Variants in ADGRB3 observed in about 807,000 individuals in gnomAD.
ADGRB3 encodes the protein adhesion G protein-coupled receptor B3, also known as brain-specific angiogenesis inhibitor 3.
In ADGRB3, 37 loss-of-function variants were observed where a neutral mutation model predicts 193.4. The observed-to-expected ratio is 0.19, with a 90% confidence interval of 0.15 to 0.25. The LOEUF (loss-of-function observed/expected upper bound fraction) is 0.25. Ranked by LOEUF, ADGRB3 falls within the 10% of genes least tolerant of loss-of-function variation. ADGRB3 has a pLI of 1.00. For missense variants in ADGRB3, 1,637 were observed against 1,852.9 expected (o/e 0.88, Z 2.14); for synonymous variants, 690 against 644.2 (o/e 1.07, Z -1.08).
chr6:68,961,934 AAG>A (rs2150259148), intron 8 of ADGRB3, among the ~76,000 whole-genome samples: 1 of 152,204 alleles, frequency 6.6e-6, no homozygotes, highest in East Asian at 1.9e-4. Context: ...TATACTCTTT[AAG>A]GAATTATGTT....
chr6:68,973,559 A>G (rs886884090), intron 8 of ADGRB3, among the ~76,000 whole-genome samples: 1 of 152,218 alleles, frequency 6.6e-6, no homozygotes, highest in Admixed American at 6.5e-5. Context: ...CTCCCAAGAA[A>G]TCACACTCCT....
chr6:69,342,063 T>G (rs1279776429), intron 26 of ADGRB3, among the ~76,000 whole-genome samples: 1 of 152,114 alleles, frequency 6.6e-6, no homozygotes, highest in Non-Finnish European at 1.5e-5. Flanking sequence ...GCACAAAAAT[T>G]CTACATTTCC....
At chr6:68,989,395 A>T (rs549900494) in intron 10 of ADGRB3, among the ~76,000 whole-genome samples, 4 of 152,282 alleles carry the variant, frequency 2.6e-5, no homozygotes, top group South Asian at 4.1e-4. Flanking sequence ...AGCCAATTAG[A>T]TTCAGTTGAA....
chr6:69,004,965 C>T (rs1164939904), intron 11 of ADGRB3, among the ~76,000 whole-genome samples: 1 of 152,072 alleles, frequency 6.6e-6, no homozygotes, highest in African/African-American at 2.4e-5. Flanking sequence ...GTGATGTGTG[C>T]AGGCTTCTCT....
chr6:68,784,547 CT>C (rs1048589017), intron 3 of ADGRB3, among the ~76,000 whole-genome samples: 37 of 152,060 alleles, frequency 2.4e-4, no homozygotes, highest in African/African-American at 8.0e-4. Context: ...CATGTATATA[CT>C]TTTTTTCACT....
At chr6:69,029,947 C>CAT (rs145059462) in intron 13 of ADGRB3, among the ~76,000 whole-genome samples, 3,065 of 143,948 alleles carry the variant, frequency 0.021, 40 homozygotes, top group Middle Eastern at 0.039. Flanking sequence ...AGCCAACAAA[C>CAT]ATATATATAT....
intron 3 of ADGRB3, among the ~76,000 whole-genome samples, chr6:68,695,792 C>T (rs1381120464): frequency 6.6e-6 from 1 of 151,916 alleles, no homozygotes; most frequent in Admixed American, 6.6e-5. Flanking sequence ...TGTCATACAA[C>T]ACATATAGGG....
intron 17 of ADGRB3, among the ~76,000 whole-genome samples, chr6:69,115,217 T>A (rs1773495798): frequency 6.6e-6 from 1 of 152,132 alleles, no homozygotes; most frequent in Non-Finnish European, 1.5e-5. Flanking sequence ...AATGACAGAC[T>A]GGACAAAGAA....
chr6:68,737,169 A>C (rs569400885), intron 3 of ADGRB3, among the ~76,000 whole-genome samples: 1 of 152,150 alleles, frequency 6.6e-6, no homozygotes, highest in African/African-American at 2.4e-5. Context: ...ATTATTGCTC[A>C]TCAGTGGAGT....
At chr6:68,922,214 G>A (rs1471964692) in intron 3 of ADGRB3, among the ~76,000 whole-genome samples, 1 of 152,190 alleles carries the variant, frequency 6.6e-6, no homozygotes, top group African/African-American at 2.4e-5. Context: ...TGAGAATCCT[G>A]TGTGGAATGT....
At chr6:69,102,041 G>A (rs1399120929) in intron 17 of ADGRB3, among the ~76,000 whole-genome samples, 2 of 152,064 alleles carry the variant, frequency 1.3e-5, no homozygotes, top group Admixed American at 6.5e-5. Context: ...GCCGGGCGTG[G>A]TGGCGGACGC....
At chr6:68,887,163 G>C (rs555870474) in intron 3 of ADGRB3, among the ~76,000 whole-genome samples, 1 of 151,734 alleles carries the variant, frequency 6.6e-6, no homozygotes, top group Non-Finnish European at 1.5e-5. Context: ...TTAGTTCAAA[G>C]TTGTGCAGCT....
chr6:69,039,347 A>T (rs1770963520), intron 13 of ADGRB3, among the ~76,000 whole-genome samples: 1 of 152,144 alleles, frequency 6.6e-6, no homozygotes, highest in Admixed American at 6.5e-5. Flanking sequence ...GAAATTTTAT[A>T]TATATAGTTT....
At chr6:68,944,123 C>A in intron 6 of ADGRB3, 129 bp downstream of exon 6, 2 of 1,031,622 alleles carry the variant, frequency 1.9e-6, no homozygotes, top group South Asian at 2.3e-5. Flanking sequence ...TTCATTGTAT[C>A]TTGCCTAAAA....
intron 3 of ADGRB3, among the ~76,000 whole-genome samples, chr6:68,780,491 G>A (rs1766831781): frequency 1.3e-5 from 2 of 152,008 alleles, no homozygotes; most frequent in Admixed American, 1.3e-4. Context: ...AAGTCAGGAG[G>A]AAAATATTAC....
At chr6:68,892,731 TTTG>T (rs1162458829) in intron 3 of ADGRB3, among the ~76,000 whole-genome samples, 2 of 152,008 alleles carry the variant, frequency 1.3e-5, no homozygotes, top group African/African-American at 4.8e-5. Flanking sequence ...CATAAGCAAG[TTTG>T]TTGTTATCAG....
intron 10 of ADGRB3, among the ~76,000 whole-genome samples, chr6:68,982,527 G>T (rs1238629920): frequency 2.6e-5 from 4 of 152,176 alleles, no homozygotes; most frequent in African/African-American, 9.7e-5. Flanking sequence ...TTCAGAAGTT[G>T]CTAGTTCCAT....
chr6:68,741,320 G>A (rs192059250), intron 3 of ADGRB3, among the ~76,000 whole-genome samples: 1 of 152,268 alleles, frequency 6.6e-6, no homozygotes, highest in African/African-American at 2.4e-5. Context: ...AGGTCACATA[G>A]CTATCAAATG....
intron 3 of ADGRB3, among the ~76,000 whole-genome samples, chr6:68,691,620 G>T (rs542941656): frequency 2.0e-5 from 3 of 151,970 alleles, no homozygotes; most frequent in East Asian, 3.9e-4. Flanking sequence ...AACAATTTTA[G>T]ATATGATTTA....
Sources: allele counts gnomAD v4.1 joint callset (sites outside exome capture counted in the v4.1 genomes callset), GRCh38; gene constraint gnomAD v4.1.1; transcripts MANE v1.5; gene names NCBI Gene and HGNC (gene_info 2026-07-23, HGNC 2026-07-21).